Variants in PTPRR observed in about 807,000 individuals in gnomAD.
PTPRR encodes the protein receptor-type tyrosine-protein phosphatase R.
PTPRR carries 38 observed loss-of-function variants against 77.2 expected under a neutral mutation model. The observed-to-expected ratio is 0.49, with a 90% CI of 0.38 to 0.65. The LOEUF is 0.65. PTPRR is among the 30% of genes least tolerant of loss of function. PTPRR has a pLI of 0.00. For missense variants in PTPRR, 744 were observed against 799.2 expected (o/e 0.93, Z 0.83); for synonymous variants, 299 against 283.1 (o/e 1.06, Z -0.57).
intron 2 of PTPRR, among the ~76,000 whole-genome samples, chr12:70,768,776 C>A (rs947760083): frequency 5.9e-5 from 9 of 151,972 alleles, no homozygotes; most frequent in African/African-American, 9.7e-5. Flanking sequence ...TACGGGCAAA[C>A]CGAATCCAGC....
chr12:70,677,755 T>C (rs904747463), intron 10 of PTPRR, among the ~76,000 whole-genome samples: 1 of 152,226 alleles, frequency 6.6e-6, no homozygotes, highest in Non-Finnish European at 1.5e-5. Flanking sequence ...TGGGATGAAT[T>C]CCCTTGATCA....
intron 2 of PTPRR, among the ~76,000 whole-genome samples, chr12:70,780,567 T>C (rs758727422): frequency 1.8e-4 from 28 of 152,102 alleles, no homozygotes; most frequent in Admixed American, 3.3e-4. Context: ...TCCTGATACA[T>C]AGGTTATATA....
intron 10 of PTPRR, among the ~76,000 whole-genome samples, chr12:70,674,260 A>G (rs889068863): frequency 1.6e-4 from 24 of 151,976 alleles, no homozygotes; most frequent in African/African-American, 5.1e-4. Flanking sequence ...TCTTTGTTTT[A>G]TGTTTAACAT....
At chr12:70,903,125 T>C (rs1214063702) in intron 1 of PTPRR, among the ~76,000 whole-genome samples, 1 of 151,208 alleles carries the variant, frequency 6.6e-6, no homozygotes, top group African/African-American at 2.4e-5. Context: ...GAATGAGGAG[T>C]TGTTGGTTAA....
At chr12:70,874,546 G>T (rs1192100518) in intron 2 of PTPRR, among the ~76,000 whole-genome samples, 7 of 152,160 alleles carry the variant, frequency 4.6e-5, no homozygotes, top group African/African-American at 1.7e-4. Flanking sequence ...AGGGATGAAT[G>T]GTGGATACTC....
At chr12:70,655,792 A>G (rs1171152104) in intron 13 of PTPRR, among the ~76,000 whole-genome samples, 2 of 152,216 alleles carry the variant, frequency 1.3e-5, no homozygotes, top group African/African-American at 4.8e-5. Flanking sequence ...ACATGAACAG[A>G]ATTCCAGAGA....
intron 2 of PTPRR, among the ~76,000 whole-genome samples, chr12:70,793,036 G>A (rs1431567432): frequency 6.6e-6 from 1 of 152,136 alleles, no homozygotes; most frequent in Admixed American, 6.5e-5. Context: ...TTTACCAATG[G>A]ATAACTCGTT....
intron 5 of PTPRR, among the ~76,000 whole-genome samples, chr12:70,750,744 A>G (rs553322932): frequency 6.6e-6 from 1 of 151,874 alleles, no homozygotes; most frequent in African/African-American, 2.4e-5. Flanking sequence ...TTATTTATAT[A>G]TTTTTCAGAG....
intron 10 of PTPRR, chr12:70,664,337 T>C (rs1207349185): frequency 1.3e-5 from 2 of 152,160 alleles, no homozygotes; most frequent in African/African-American, 4.8e-5. Context: ...ACAAACCAAT[T>C]TGCCTGGTTT....
chr12:70,774,369 T>A (rs896118016), intron 2 of PTPRR, among the ~76,000 whole-genome samples: 1 of 152,142 alleles, frequency 6.6e-6, no homozygotes, highest in Non-Finnish European at 1.5e-5. Flanking sequence ...CTTGTAACTG[T>A]GGAAACAGTA....
chr12:70,827,525 C>CTTTT (rs1369451746), intron 2 of PTPRR, among the ~76,000 whole-genome samples: 1 of 146,276 alleles, frequency 6.8e-6, no homozygotes, highest in Non-Finnish European at 1.5e-5. Flanking sequence ...AATATCTTTT[C>CTTTT]TTTTTTCTTT....
intron 10 of PTPRR, among the ~76,000 whole-genome samples, chr12:70,680,470 G>A (rs1887614049): frequency 6.6e-6 from 1 of 152,204 alleles, no homozygotes. Context: ...GTGTGCAGTA[G>A]TGTAGTCTCT....
chr12:70,870,894 A>G (rs908485265), intron 2 of PTPRR, among the ~76,000 whole-genome samples: 8 of 152,232 alleles, frequency 5.3e-5, no homozygotes, highest in Non-Finnish European at 1.2e-4. Context: ...GAGAATATGT[A>G]AAGCAACATG....
chr12:70,671,579 TA>T (rs532691338), intron 10 of PTPRR, among the ~76,000 whole-genome samples: 1 of 152,180 alleles, frequency 6.6e-6, no homozygotes, highest in East Asian at 1.9e-4. Context: ...TAGGAATTGT[TA>T]AAAAAAATTC....
At chr12:70,720,094 C>T (rs1447649720) in intron 6 of PTPRR, among the ~76,000 whole-genome samples, 1 of 152,146 alleles carries the variant, frequency 6.6e-6, no homozygotes, top group East Asian at 1.9e-4. Context: ...TAAAATGCTT[C>T]CATTCCTCCA....
At position 70,639,160 on chromosome 12, in the gene PTPRR, A is replaced by T; in HGVS notation, c.*24T>A. 1 of 1,596,348 alleles carries T rather than the reference A, an allele frequency of 6.3e-7. No individual in the cohort carries two copies. The highest frequency in any genetic ancestry group is 8.6e-7 in the Non-Finnish European group (1 of 1,166,958). The stretch of plus-strand genomic sequence containing the variant: ...TTTGATTAATCACCCCAAGAGATTG[A>T]TGGTCTGACAAGTCTTCAATGACTC... On this transcript the variant is annotated 3_prime_UTR_variant, in exon 14 of 14. Coordinates refer to ENST00000283228, the MANE Select transcript of PTPRR (RefSeq NM_002849.4).
intron 1 of PTPRR, among the ~76,000 whole-genome samples, chr12:70,913,040 A>C (rs1209295681): frequency 2.0e-5 from 3 of 152,130 alleles, no homozygotes; most frequent in Non-Finnish European, 2.9e-5. Context: ...ACAACTTTTA[A>C]GATTTAACAA....
At chr12:70,813,216 T>G (rs900850965) in intron 2 of PTPRR, among the ~76,000 whole-genome samples, 1 of 152,242 alleles carries the variant, frequency 6.6e-6, no homozygotes, top group Non-Finnish European at 1.5e-5. Context: ...CTACAACTTT[T>G]ACCTAATTTT....
chr12:70,878,694 G>A (rs1048150785), intron 2 of PTPRR, among the ~76,000 whole-genome samples: 4 of 152,136 alleles, frequency 2.6e-5, no homozygotes, highest in Non-Finnish European at 4.4e-5. Context: ...ACAGTGTGGC[G>A]ATTCCTCAAG....
Sources: allele counts gnomAD v4.1 joint callset (sites outside exome capture counted in the v4.1 genomes callset), GRCh38; gene constraint gnomAD v4.1.1; transcripts MANE v1.5; gene names NCBI Gene and HGNC (gene_info 2026-07-23, HGNC 2026-07-21).